Variants in CDH4 observed in about 807,000 individuals in gnomAD.
CDH4 encodes cadherin-4.
In CDH4, 33 loss-of-function variants were observed where a neutral mutation model predicts 86.0. The observed-to-expected ratio is 0.38, with a 90% confidence interval of 0.29 to 0.51. CDH4 has a LOEUF of 0.51. CDH4 is among the 20% of genes least tolerant of loss of function. The probability of loss-of-function intolerance (pLI) is 0.86; values close to 1 mark genes in which losing one functional copy is unlikely to be tolerated. For missense variants in CDH4, 1,114 were observed against 1,307.4 expected (o/e 0.85, Z 2.28); for synonymous variants, 555 against 549.4 (o/e 1.01, Z -0.14).
intron 4 of CDH4, among the ~76,000 whole-genome samples, chr20:61,804,393 C>G (rs1240756800): frequency 6.6e-6 from 1 of 152,182 alleles, no homozygotes; most frequent in Non-Finnish European, 1.5e-5. Context: ...GCTGTCTGAC[C>G]ACCCCTCTCC....
intron 9 of CDH4, among the ~76,000 whole-genome samples, chr20:61,915,657 T>C (rs761206445): frequency 6.6e-6 from 1 of 152,192 alleles, no homozygotes; most frequent in Non-Finnish European, 1.5e-5. Context: ...AGGTGGCCTG[T>C]TGCATGCCCC....
chr20:61,718,718 A>G, intron 2 of CDH4: 1 of 440,774 alleles, frequency 2.3e-6, no homozygotes. Context: ...CTCAACTGAA[A>G]CAGGGCATTT....
intron 2 of CDH4, among the ~76,000 whole-genome samples, chr20:61,317,601 C>T (rs191327273): frequency 8.5e-5 from 13 of 152,234 alleles, no homozygotes; most frequent in South Asian, 2.1e-4. Flanking sequence ...TGTGGTGGGG[C>T]GTCCTGTGCA....
intron 2 of CDH4, among the ~76,000 whole-genome samples, chr20:61,321,571 C>G (rs2084508723): frequency 6.6e-6 from 1 of 152,112 alleles, no homozygotes; most frequent in Admixed American, 6.5e-5. Flanking sequence ...CCCTTGGGTA[C>G]TTGGGTACCT....
intron 2 of CDH4, among the ~76,000 whole-genome samples, chr20:61,400,590 A>G (rs938089117): frequency 6.6e-6 from 1 of 152,222 alleles, no homozygotes; most frequent in East Asian, 1.9e-4. Context: ...ATGGTCACGC[A>G]TGGATCCAGT....
intron 2 of CDH4, among the ~76,000 whole-genome samples, chr20:61,665,736 G>T (rs1358302047): frequency 6.6e-6 from 1 of 152,192 alleles, no homozygotes; most frequent in Non-Finnish European, 1.5e-5. Flanking sequence ...AATACACGGG[G>T]GTCACCTAAC....
rs755172949 is a variant in CDH4, at chr20:61,852,783, C to T, written c.762C>T (p.Gly254=). 1.6e-5 allele frequency: 26 copies of T among 1,613,740 alleles called. No homozygotes were observed. In the South Asian group the frequency reaches 2.7e-4, roughly 17 times the overall value. ...HLRAHAVDMN[G]NKVENPIDLY... ...GAGCCCACGCTGTGGACATGAATGG[C>T]AACAAGGTGGAGAACCCCATCGACC... The change falls in exon 6 of 16, where the codon GGC becomes GGT. Residue 254 remains glycine, a synonymous_variant. Transcript: ENST00000614565.
At chr20:61,443,698 G>T (rs946792942) in intron 2 of CDH4, among the ~76,000 whole-genome samples, 2 of 152,170 alleles carry the variant, frequency 1.3e-5, no homozygotes, top group Non-Finnish European at 2.9e-5. Context: ...GAGCGCATCC[G>T]AAGGCTGCGA....
intron 4 of CDH4, among the ~76,000 whole-genome samples, chr20:61,839,357 G>A (rs543032211): frequency 2.0e-5 from 3 of 151,836 alleles, no homozygotes; most frequent in African/African-American, 7.3e-5. Context: ...GTTTGTGTAT[G>A]TTTGTGTATT....
chr20:61,691,166 C>T (rs1600878881), intron 2 of CDH4, among the ~76,000 whole-genome samples: 1 of 152,238 alleles, frequency 6.6e-6, no homozygotes, highest in East Asian at 1.9e-4. Flanking sequence ...TCCAGAAGCC[C>T]CTTCACACTG....
In CDH4 at chr20:61,731,284, G is replaced by GC. The variant is rs1001512925; in HGVS notation, c.170-12273dup. Among the ~76,000 whole-genome samples, 6 of 152,016 alleles carry GC rather than the reference G, an allele frequency of 3.9e-5. No individual in the cohort carries two copies. The East Asian group carries it at 9.7e-4, about 24-fold the overall frequency. On this transcript the variant is annotated intron_variant, in intron 2 of 15. Transcript: ENST00000614565. The stretch of plus-strand genomic sequence containing the variant: ...CTCGTGACATTCTCCTCACCCCTCG[G>GC]CCCCCCGGCGGCCCCTCACACGTGC...
chr20:61,761,554 G>A (rs1006714093), intron 3 of CDH4, among the ~76,000 whole-genome samples: 6 of 152,210 alleles, frequency 3.9e-5, no homozygotes, highest in African/African-American at 1.2e-4. Flanking sequence ...AACAGGAGCC[G>A]AAAATGCACT....
At chr20:61,382,431 C>T (rs1396114005) in intron 2 of CDH4, among the ~76,000 whole-genome samples, 2 of 152,204 alleles carry the variant, frequency 1.3e-5, no homozygotes, top group Non-Finnish European at 2.9e-5. Context: ...GCATGGGGGA[C>T]CCCTGGGAGT....
intron 2 of CDH4, among the ~76,000 whole-genome samples, chr20:61,612,803 C>G (rs1312789174): frequency 2.6e-5 from 4 of 152,066 alleles, no homozygotes; most frequent in Admixed American, 1.3e-4. Context: ...GGCCTGTCAC[C>G]CACAGGGCTT....
chr20:61,499,704 G>A (rs1365104607), intron 2 of CDH4, among the ~76,000 whole-genome samples: 1 of 152,162 alleles, frequency 6.6e-6, no homozygotes, highest in Non-Finnish European at 1.5e-5. Context: ...AGGAACACGG[G>A]GGTGTCAACC....
chr20:61,662,255 G>T (rs987011347), intron 2 of CDH4, among the ~76,000 whole-genome samples: 1 of 152,232 alleles, frequency 6.6e-6, no homozygotes, highest in Non-Finnish European at 1.5e-5. Flanking sequence ...TGGACTGCTT[G>T]GTGAGAGCGC....
intron 2 of CDH4, among the ~76,000 whole-genome samples, chr20:61,433,972 G>A (rs545651574): frequency 2.2e-4 from 34 of 152,288 alleles, no homozygotes; most frequent in Admixed American, 3.9e-4. Context: ...ATTTCCTGCC[G>A]TGGCCTCCTG....
chr20:61,772,503 A>G (rs1304317406), intron 3 of CDH4, among the ~76,000 whole-genome samples: 2 of 152,220 alleles, frequency 1.3e-5, no homozygotes, highest in Non-Finnish European at 2.9e-5. Context: ...TTTGGAAACA[A>G]CATTCCATTT....
chr20:61,836,282 C>G (rs907942386), intron 4 of CDH4, among the ~76,000 whole-genome samples: 2 of 152,226 alleles, frequency 1.3e-5, no homozygotes, highest in Non-Finnish European at 2.9e-5. Flanking sequence ...CCTGCAATCC[C>G]ATGCCAAAAA....
Sources: gnomAD v4.1 joint callset for allele counts (sites outside exome capture counted in the v4.1 genomes callset) on GRCh38, gnomAD v4.1.1 for gene constraint, MANE v1.5 for transcripts, NCBI Gene and HGNC (gene_info 2026-07-23, HGNC 2026-07-21) for gene names.